MPC1: variants seen among roughly 807,000 people sequenced by gnomAD.
The protein encoded by MPC1 is mitochondrial pyruvate carrier 1.
In MPC1, 6 loss-of-function variants were observed where a neutral mutation model predicts 13.9. That is an observed-to-expected ratio of 0.43 (90% CI 0.24 to 0.85). The LOEUF is 0.85. MPC1 is among the 40% of genes least tolerant of loss of function. The pLI, the probability that MPC1 is intolerant of heterozygous loss-of-function variation, is 0.24. For missense variants in MPC1, 115 were observed against 143.3 expected (o/e 0.80, Z 1.01); for synonymous variants, 47 against 50.5 (o/e 0.93, Z 0.29).
chr6:166,372,266 A>G, intron 1 of MPC1, among the ~76,000 whole-genome samples: 1 of 152,196 alleles, frequency 6.6e-6, no homozygotes, highest in East Asian at 1.9e-4. Context: ...AGGATGTCGT[A>G]CTTACAATGT....
At chr6:166,370,160 ACT>A (rs1175248069) in intron 2 of MPC1, 56 bp downstream of exon 2, 2 of 780,880 alleles carry the variant, frequency 2.6e-6, no homozygotes, top group South Asian at 2.7e-5. Flanking sequence ...GTTACCCCTA[ACT>A]CTGTTAATGC....
At chr6:166,381,651 C>A (rs1779787720) in intron 1 of MPC1, among the ~76,000 whole-genome samples, 1 of 152,130 alleles carries the variant, frequency 6.6e-6, no homozygotes, top group Admixed American at 6.5e-5. Flanking sequence ...TAAAAGCAAG[C>A]GCCCCAAGAT....
intron 2 of MPC1, chr6:166,369,098 G>T: frequency 3.3e-6 from 1 of 301,000 alleles, no homozygotes; most frequent in Non-Finnish European, 4.9e-6. Flanking sequence ...CTGGCTAAGT[G>T]ATGTTATTAA....
chr6:166,380,939 C>CAAAAAAAAA (rs1175434820), intron 1 of MPC1, among the ~76,000 whole-genome samples: 3 of 47,734 alleles, frequency 6.3e-5, no homozygotes, highest in East Asian at 6.1e-4. Context: ...AACTCTGTCT[C>CAAAAAAAAA]AAAAAAAAAA....
Position 166,373,995 on chromosome 6 carries a change from G to GT in MPC1, c.72-3775dup, listed in dbSNP as rs1439082039. Among the ~76,000 whole-genome samples the GT allele has an allele frequency of 2.6e-3, 394 of 150,774 alleles. 8 individuals are homozygous for GT. The East Asian group carries it at 0.036, about 14-fold the overall frequency. Reference sequence around the variant, plus strand: ...TTGTTTTTGTGGGTTTTGTTGGCTTGTTTTTTTTTGAGAGGGAGTCTTGCT... The same window carrying GT: ...TTGTTTTTGTGGGTTTTGTTGGCTTGTTTTTTTTTTGAGAGGGAGTCTTGCT... On this transcript the variant is annotated intron_variant, in intron 1 of 4. Transcript: ENST00000360961.
At chr6:166,367,149 G>A in intron 2 of MPC1, 3 of 1,297,326 alleles carry the variant, frequency 2.3e-6, no homozygotes, top group Non-Finnish European at 3.0e-6. Flanking sequence ...GGTCCCTACT[G>A]GTTTCCACAC....
At chr6:166,371,577 T>C (rs1005959937) in intron 1 of MPC1, among the ~76,000 whole-genome samples, 4 of 152,188 alleles carry the variant, frequency 2.6e-5, no homozygotes, top group Non-Finnish European at 4.4e-5. Context: ...AGAATTCTAC[T>C]AGTTGTTTTG....
chr6:166,373,859 A>G (rs1459229107), intron 1 of MPC1, among the ~76,000 whole-genome samples: 2 of 112,228 alleles, frequency 1.8e-5, no homozygotes, highest in Admixed American at 9.9e-5. Flanking sequence ...GTGGTGTCCA[A>G]TCTTCTGGCA....
Position 166,380,833 on chromosome 6 carries a change from G to A in MPC1, c.71+1973C>T, listed in dbSNP as rs372161564. On this transcript the variant is annotated intron_variant, in intron 1 of 4. Transcript: ENST00000360961. ...GCATGCTTGTAATCCCAGCTACTTG[G>A]GAAGCTAAGGTAGGAAAATCACTTG... Among the ~76,000 whole-genome samples the A allele has an allele frequency of 5.4e-4, 81 of 151,148 alleles. 1 individual carries two copies. The highest frequency in any genetic ancestry group is 3.4e-3 in the Middle Eastern group (1 of 290).
intron 1 of MPC1, among the ~76,000 whole-genome samples, chr6:166,381,541 A>T (rs1414411949): frequency 6.6e-6 from 1 of 152,236 alleles, no homozygotes; most frequent in Non-Finnish European, 1.5e-5. Flanking sequence ...CCGCAGCTGT[A>T]CACGTACCTA....
At chr6:166,372,011 T>C (rs1235410392) in intron 1 of MPC1, among the ~76,000 whole-genome samples, 1 of 152,146 alleles carries the variant, frequency 6.6e-6, no homozygotes, top group Non-Finnish European at 1.5e-5. Flanking sequence ...ATGAAATATA[T>C]ATCATTCATA....
At chr6:166,377,757 G>T (rs1420576800) in intron 1 of MPC1, among the ~76,000 whole-genome samples, 1 of 152,170 alleles carries the variant, frequency 6.6e-6, no homozygotes, top group African/African-American at 2.4e-5. Context: ...CGAGCCAAAA[G>T]TCAGCTGAAT....
intron 1 of MPC1, among the ~76,000 whole-genome samples, chr6:166,373,632 G>A (rs1186295203): frequency 1.3e-5 from 2 of 151,892 alleles, no homozygotes; most frequent in Non-Finnish European, 2.9e-5. Context: ...CAACTCCTAG[G>A]GGTAAATACC....
intron 2 of MPC1, among the ~76,000 whole-genome samples, chr6:166,369,178 C>T (rs534661093): frequency 8.5e-5 from 13 of 152,182 alleles, no homozygotes; most frequent in East Asian, 5.8e-4. Context: ...CTGAGGCAGG[C>T]GGATCATGAG....
intron 1 of MPC1, among the ~76,000 whole-genome samples, chr6:166,376,624 T>C (rs1279000451): frequency 2.0e-5 from 3 of 152,246 alleles, no homozygotes; most frequent in Non-Finnish European, 4.4e-5. Flanking sequence ...TTACCATCTA[T>C]CTGGGTATCT....
intron 1 of MPC1, among the ~76,000 whole-genome samples, chr6:166,379,440 G>A (rs1779685513): frequency 2.0e-5 from 3 of 152,318 alleles, no homozygotes; most frequent in African/African-American, 7.2e-5. Flanking sequence ...GTTACAGTGA[G>A]CTATGATCAT....
chr6:166,371,886 CTT>C (rs1478731901), intron 1 of MPC1, among the ~76,000 whole-genome samples: 2 of 152,146 alleles, frequency 1.3e-5, no homozygotes, highest in Non-Finnish European at 2.9e-5. Context: ...GTTACTCTCT[CTT>C]TCACAATACT....
intron 2 of MPC1, 35 bp from the exon 3 acceptor site, chr6:166,366,926 A>T: frequency 6.2e-7 from 1 of 1,613,326 alleles, no homozygotes; most frequent in Non-Finnish European, 8.5e-7. Context: ...TGAAGAGAGG[A>T]AAAAGTTAAG....
intron 2 of MPC1, chr6:166,369,920 TTCTTTC>T (rs1779311433): frequency 1.9e-6 from 1 of 523,322 alleles, no homozygotes; most frequent in Admixed American, 3.2e-5. Flanking sequence ...CTTTCTCTTT[TTCTTTC>T]TCTATTTCCT....
Sources: allele counts gnomAD v4.1 joint callset (sites outside exome capture counted in the v4.1 genomes callset), GRCh38; gene constraint gnomAD v4.1.1; transcripts MANE v1.5; gene names NCBI Gene and HGNC (gene_info 2026-07-23, HGNC 2026-07-21).